RBFOX3: variants seen among roughly 807,000 people sequenced by gnomAD.
The protein encoded by RBFOX3 is RNA binding protein fox-1 homolog 3.
In RBFOX3, 17 loss-of-function variants were observed where a neutral mutation model predicts 48.7. The ratio of observed to expected loss-of-function variants is 0.35; its 90% confidence interval spans 0.24 to 0.52. The LOEUF (loss-of-function observed/expected upper bound fraction) is 0.52, where lower values mean the gene tolerates loss of function less well. Ranked by LOEUF, RBFOX3 falls within the 20% of genes least tolerant of loss-of-function variation. The pLI, the probability that RBFOX3 is intolerant of heterozygous loss-of-function variation, is 0.94. For synonymous variants in RBFOX3, 212 were observed against 209.5 expected, an observed-to-expected ratio of 1.01 and a Z score of -0.10; for missense variants, 382 against 497.5, an observed-to-expected ratio of 0.77 and a Z score of 2.21.
rs567311596 is a variant in RBFOX3, at chr17:79,198,719, G to T, written c.-34+37047C>A. Among the ~76,000 whole-genome samples, 1 of 151,990 alleles carries T rather than the reference G, an allele frequency of 6.6e-6. No homozygotes were observed. Among genetic ancestry groups the T allele is most frequent in the Non-Finnish European group, 1.5e-5 (1 of 67,994 alleles). On this transcript the variant is annotated intron_variant, in intron 4 of 14. Transcript: ENST00000693108. The surrounding 1 kb of genome is among the most constrained non-coding windows in gnomAD (Gnocchi z 8.2). ...AGGCTCGTTGCAACCTCCACCTTCC[G>T]GGTTCAAGCGATTCTCCTGCCTCAG...
chr17:79,569,391 T>C (rs1251829281), intron 1 of RBFOX3, among the ~76,000 whole-genome samples: 4 of 152,248 alleles, frequency 2.6e-5, no homozygotes, highest in African/African-American at 9.6e-5. Context: ...GGTTCATCCA[T>C]GCTGTAGACT....
upstream of RBFOX3, among the ~76,000 whole-genome samples, chr17:79,614,547 G>A (rs990395843): frequency 2.6e-5 from 4 of 152,182 alleles, no homozygotes; most frequent in African/African-American, 9.7e-5. Context: ...AGAAGGAGCC[G>A]CCAAAACACG....
At chr17:79,425,928 G>A (rs2067281128) in intron 2 of RBFOX3, among the ~76,000 whole-genome samples, 1 of 152,214 alleles carries the variant, frequency 6.6e-6, no homozygotes, top group African/African-American at 2.4e-5. Flanking sequence ...GCCTGGGAAG[G>A]TGGTGCGAGG....
intron 1 of RBFOX3, among the ~76,000 whole-genome samples, chr17:79,555,738 T>G (rs1239637745): frequency 1.7e-4 from 25 of 145,322 alleles, no homozygotes; most frequent in East Asian, 6.2e-4. Flanking sequence ...TGATGGTGAT[T>G]ATGATAGTAG....
At position 79,471,016 on chromosome 17, in the gene RBFOX3, A is replaced by G. The variant is rs1482850357; in HGVS notation, c.-175+11438T>C. On this transcript the variant is annotated intron_variant, in intron 2 of 14. Transcript: ENST00000693108. This position sits in a 1 kb window ranked among gnomAD's most constrained non-coding sequence, Gnocchi z 4.0. ...CTAGCTCTGTGATGCACCACCACGA[A>G]AAAAATAACAGCAGAACCAGCCCTT... Among the ~76,000 whole-genome samples the G allele has an allele frequency of 2.3e-5, 3 of 130,392 alleles. No individual in the cohort carries two copies. Among genetic ancestry groups the G allele is most frequent in the Non-Finnish European group, 4.4e-5 (3 of 67,648 alleles). The allele number at this position is 130,392 out of a possible 152,430, so 85.5% of individuals were successfully genotyped here. A position where few individuals can be genotyped will look rare whatever the true frequency, so the allele number is the denominator to read the frequency against.
chr17:79,569,744 G>A (rs1021162092), intron 1 of RBFOX3, among the ~76,000 whole-genome samples: 2 of 152,226 alleles, frequency 1.3e-5, no homozygotes, highest in Non-Finnish European at 2.9e-5. Context: ...ATCTAAGAGT[G>A]TTTGGATGGA....
At chr17:79,476,846 A>G (rs1407848721) in intron 2 of RBFOX3, among the ~76,000 whole-genome samples, 4 of 151,744 alleles carry the variant, frequency 2.6e-5, no homozygotes, top group African/African-American at 9.7e-5. Flanking sequence ...GAGACAGAGA[A>G]GGAGGAAGAG....
chr17:79,409,656 T>G (rs549575828), intron 2 of RBFOX3, among the ~76,000 whole-genome samples: 1 of 152,334 alleles, frequency 6.6e-6, no homozygotes, highest in South Asian at 2.1e-4. Context: ...AGAAGTGAAG[T>G]GCAGGGCCCT....
intron 2 of RBFOX3, among the ~76,000 whole-genome samples, chr17:79,323,694 C>A (rs1028666239): frequency 6.6e-6 from 1 of 152,222 alleles, no homozygotes; most frequent in African/African-American, 2.4e-5. Flanking sequence ...GAAGTAATGT[C>A]CTGCTCAGCT....
At chr17:79,105,715 T>C (rs764196784) in intron 6 of RBFOX3, among the ~76,000 whole-genome samples, 11 of 151,952 alleles carry the variant, frequency 7.2e-5, no homozygotes, top group Non-Finnish European at 1.2e-4. Context: ...CAGGGTGGCA[T>C]GAGGGGAGAG....
At chr17:79,478,637 C>G (rs2078325518) in intron 2 of RBFOX3, among the ~76,000 whole-genome samples, 1 of 152,160 alleles carries the variant, frequency 6.6e-6, no homozygotes, top group African/African-American at 2.4e-5. Flanking sequence ...TCAGGTTATC[C>G]CATGAGAGTG....
chr17:79,461,227 A>T (rs191105365), intron 2 of RBFOX3, among the ~76,000 whole-genome samples: 86 of 152,336 alleles, frequency 5.6e-4, no homozygotes, highest in African/African-American at 2.0e-3. Flanking sequence ...CACAAATACC[A>T]CTGAAGGCCC....
chr17:79,186,963 C>T lies in RBFOX3; in HGVS notation c.-34+48803G>A, dbSNP rs577765418. ...GCGTGTCTTCCCCAGCTTCCCTGAG[C>T]GTGCCTGCCTGGGAAATTCTGGCCC... On this transcript the variant is annotated intron_variant, in intron 4 of 14. Coordinates refer to ENST00000693108, the MANE Select transcript of RBFOX3 (RefSeq NM_001350451.2). 5.0e-4 allele frequency among the ~76,000 whole-genome samples: 76 copies of T among 152,354 alleles called. 1 individual carries two copies. The highest frequency in any genetic ancestry group is 1.8e-3 in the African/African-American group (73 of 41,580).
At chr17:79,208,768 C>T (rs2147052740) in intron 4 of RBFOX3, among the ~76,000 whole-genome samples, 1 of 152,000 alleles carries the variant, frequency 6.6e-6, no homozygotes, top group East Asian at 1.9e-4. Flanking sequence ...CCTTAAGGGG[C>T]CCCACAGGAC....
At chr17:79,114,586 G>T (rs1413832255) in intron 5 of RBFOX3, among the ~76,000 whole-genome samples, 1 of 152,256 alleles carries the variant, frequency 6.6e-6, no homozygotes, top group Non-Finnish European at 1.5e-5. Context: ...ACGGCAGGAG[G>T]GCTGAGGCAG....
intron 2 of RBFOX3, among the ~76,000 whole-genome samples, chr17:79,456,082 A>G (rs2074437467): frequency 6.6e-6 from 1 of 152,028 alleles, no homozygotes; most frequent in African/African-American, 2.4e-5. Flanking sequence ...CCCCACCCCA[A>G]GCCTAAAGGA....
At chr17:79,118,824 A>G (rs1215534271) in intron 4 of RBFOX3, among the ~76,000 whole-genome samples, 2 of 151,784 alleles carry the variant, frequency 1.3e-5, no homozygotes, top group East Asian at 3.9e-4. Context: ...TAAAAAAAAA[A>G]AAAATAGCCA....
intron 1 of RBFOX3, among the ~76,000 whole-genome samples, chr17:79,552,752 T>C (rs2091275035): frequency 6.6e-6 from 1 of 152,242 alleles, no homozygotes; most frequent in Non-Finnish European, 1.5e-5. Context: ...TGCACATTTC[T>C]TGTTAAGTTT....
chr17:79,099,576 C>T (rs1302409906), intron 9 of RBFOX3: 2 of 152,320 alleles, frequency 1.3e-5, no homozygotes, highest in Non-Finnish European at 2.9e-5. Flanking sequence ...TGGGTCCACT[C>T]TGGGCGAGTG....
Sources: allele counts gnomAD v4.1 joint callset (sites outside exome capture counted in the v4.1 genomes callset), GRCh38; gene constraint gnomAD v4.1.1; non-coding constraint Gnocchi (gnomAD v3.1); transcripts MANE v1.5; gene names NCBI Gene and HGNC (gene_info 2026-07-23, HGNC 2026-07-21).